NBPF8: variants seen among roughly 807,000 people sequenced by gnomAD.
NBPF8 encodes NBPF member 8, also known as NBPF family member NBPF8.
chr1:120,450,546 T>C lies in NBPF8; in HGVS notation n.1972-634T>C, dbSNP rs1489848388. Reference sequence around the variant, plus strand: ...TCTTGTCAGTCTCCTAGAACATTTATTGGCACACAGTAAACACTATCTATT... The same window carrying C: ...TCTTGTCAGTCTCCTAGAACATTTACTGGCACACAGTAAACACTATCTATT... On this transcript the variant is annotated intron_variant and non_coding_transcript_variant, in intron 11 of 24. Transcript: ENST00000583271. 2.6e-5 allele frequency among the ~76,000 whole-genome samples: 4 copies of C among 152,218 alleles called. No individual in the cohort carries two copies. In the East Asian group the frequency reaches 7.7e-4, roughly 29 times the overall value.
chr1:120,436,585 C>G (rs1480484929), exon 1 of NBPF8: 3 of 1,599,200 alleles, frequency 1.9e-6, no homozygotes, highest in East Asian at 2.2e-5. Context: ...TAGAAATCAA[C>G]GAGAAATTGC....
chr1:120,467,797 T>A (rs1277805404), downstream of NBPF8: 1 of 152,224 alleles, frequency 6.6e-6, no homozygotes, highest in African/African-American at 2.4e-5. Context: ...TTATGCTGAT[T>A]GGTTTTGGTG....
At chr1:120,422,657 C>A (rs1660607013) in intron 1 of NBPF8, among the ~76,000 whole-genome samples, 1 of 146,028 alleles carries the variant, frequency 6.8e-6, no homozygotes, top group African/African-American at 2.7e-5. Flanking sequence ...TGGGTACTTC[C>A]AAGTTTTGAC....
chr1:120,454,137 C>T, intron 15 of NBPF8, 23 bp downstream of exon 13: 1 of 1,609,710 alleles, frequency 6.2e-7, no homozygotes. Context: ...TTCCTTGTGT[C>T]TCATACCTCT....
rs1254417687 is a variant in NBPF8 at position 120,464,397 on chromosome 1, G to T, written n.3308G>T. On this transcript the variant is annotated non_coding_transcript_exon_variant, in exon 23 of 25. Transcript: ENST00000583271. ...CCAGGCTCAGCAGGGAGCTGCTGGA[G>T]GTAGTAGAGCCTGAAGTCTTGCAGG... 1.8e-5 allele frequency: 14 copies of T among 757,662 alleles called. No homozygotes were observed. The East Asian group carries it at 3.5e-4, about 19-fold the overall frequency. 46.9% of individuals were successfully genotyped at this position (757,662 alleles called of 1,614,324 possible). A position where few individuals can be genotyped will look rare whatever the true frequency, so the allele number is the denominator to read the frequency against.
exon 11 of NBPF8, chr1:120,449,361 C>G: frequency 1.3e-6 from 2 of 1,572,288 alleles, no homozygotes; most frequent in African/African-American, 1.4e-5. Context: ...TGTTTTCTAA[C>G]TCAACTGGCC....
upstream of NBPF8, among the ~76,000 whole-genome samples, chr1:120,431,670 A>G (rs1660885096): frequency 1.3e-5 from 2 of 150,900 alleles, no homozygotes. Context: ...GAAGTCTTAT[A>G]CTTGTAGGAA....
At chr1:120,431,756 C>T (rs1660886947), upstream of NBPF8, among the ~76,000 whole-genome samples, 1 of 151,820 alleles carries the variant, frequency 6.6e-6, no homozygotes. Context: ...GATAGACAGT[C>T]ATTCCATTCC....
At chr1:120,425,357 G>A (rs1486974276) in intron 1 of NBPF8, among the ~76,000 whole-genome samples, 1 of 152,068 alleles carries the variant, frequency 6.6e-6, no homozygotes, top group Non-Finnish European at 1.5e-5. Flanking sequence ...GGACATGCTG[G>A]CAGCAATACT....
At chr1:120,428,125 G>A (rs61807947) in intron 3 of NBPF8, among the ~76,000 whole-genome samples, 140,366 of 152,040 alleles carry the variant, frequency 0.92, 64,998 homozygotes, top group African/African-American at 0.98. Flanking sequence ...AAGATGATAC[G>A]GTTTATAATA....
At chr1:120,416,818 C>G (rs1401874042), upstream of NBPF8, among the ~76,000 whole-genome samples, 1 of 151,576 alleles carries the variant, frequency 6.6e-6, no homozygotes, top group Non-Finnish European at 1.5e-5. Context: ...ATTCTGGTTA[C>G]CCCACAACCT....
chr1:120,422,669 A>C (rs1201075540), intron 1 of NBPF8, among the ~76,000 whole-genome samples: 5 of 145,688 alleles, frequency 3.4e-5, no homozygotes, highest in Admixed American at 6.8e-5. Flanking sequence ...AGTTTTGACA[A>C]TTATGATAAA....
At chr1:120,433,498 G>C (rs1352811011), upstream of NBPF8, 2 of 153,304 alleles carry the variant, frequency 1.3e-5, no homozygotes, top group Admixed American at 6.5e-5. Context: ...GTGGGGGAAG[G>C]TGTCTGTCCA....
upstream of NBPF8, among the ~76,000 whole-genome samples, chr1:120,435,823 G>C (rs1336953083): frequency 6.6e-6 from 1 of 151,342 alleles, no homozygotes; most frequent in South Asian, 2.1e-4. Context: ...CCTAGATCGC[G>C]TCACTGCACT....
chr1:120,453,534 A>C (rs1411869801), intron 14 of NBPF8, 90 bp downstream of exon 12: 10 of 575,030 alleles, frequency 1.7e-5, no homozygotes, highest in South Asian at 1.4e-4. Context: ...ATGATGGGTC[A>C]AAAACCCGCA....
At chr1:120,422,560 C>G (rs1660604467) in intron 1 of NBPF8, among the ~76,000 whole-genome samples, 2 of 128,524 alleles carry the variant, frequency 1.6e-5, no homozygotes, top group East Asian at 3.9e-4. Context: ...CATGACTTGA[C>G]AGCTTGTTTT....
chr1:120,450,121 G>A (rs1348568026), intron 11 of NBPF8, among the ~76,000 whole-genome samples: 1 of 152,116 alleles, frequency 6.6e-6, no homozygotes, highest in African/African-American at 2.4e-5. Flanking sequence ...CCCCTGCTCA[G>A]GAGGCTGAGG....
At chr1:120,421,506 CCCTTCCTT>C (rs1178373747) in intron 1 of NBPF8, among the ~76,000 whole-genome samples, 6 of 149,724 alleles carry the variant, frequency 4.0e-5, no homozygotes, top group Non-Finnish European at 7.4e-5. Flanking sequence ...CTCCCTCCCT[CCCTTCCTT>C]CCTTCCTTCC....
At chr1:120,455,192 G>T (rs1301685027) in intron 15 of NBPF8, among the ~76,000 whole-genome samples, 4 of 151,910 alleles carry the variant, frequency 2.6e-5, no homozygotes, top group Non-Finnish European at 4.4e-5. Context: ...TGGCATTATG[G>T]TCTACATGTA....
Sources: allele counts gnomAD v4.1 joint callset (sites outside exome capture counted in the v4.1 genomes callset), GRCh38; gene constraint gnomAD v4.1.1; transcripts MANE v1.5; gene names NCBI Gene and HGNC (gene_info 2026-07-23, HGNC 2026-07-21).